CDC42BPA: variants seen among roughly 807,000 people sequenced by gnomAD.
CDC42BPA encodes the protein CDC42 binding protein kinase alpha, also known as serine/threonine-protein kinase MRCK alpha.
Under a neutral mutation model 223.5 loss-of-function variants are expected in CDC42BPA, and 80 were observed. That is an observed-to-expected ratio of 0.36 (90% confidence interval 0.30 to 0.43). The LOEUF (loss-of-function observed/expected upper bound fraction) is 0.43. Ranked by LOEUF, CDC42BPA falls within the 20% of genes least tolerant of loss-of-function variation. CDC42BPA has a pLI of 1.00. For synonymous variants in CDC42BPA, 694 were observed against 718.6 expected (o/e 0.97, Z 0.55); for missense variants, 1,743 against 2,099.9 (o/e 0.83, Z 3.32).
intron 1 of CDC42BPA, among the ~76,000 whole-genome samples, chr1:227,301,672 T>A (rs901677141): frequency 6.6e-6 from 1 of 152,232 alleles, no homozygotes; most frequent in African/African-American, 2.4e-5. Context: ...TTAGACTTTT[T>A]AATTCTGTAA....
intron 2 of CDC42BPA, among the ~76,000 whole-genome samples, chr1:227,253,240 A>AAGAGAGCGAGAGAGAGAGCGAGAG (rs748822660): frequency 6.1e-4 from 88 of 143,190 alleles, no homozygotes; most frequent in African/African-American, 1.2e-3. Context: ...GAGAGAGAGA[A>AAGAGAGCGAGAGAGAGAGCGAGAG]AGAGAGCGAG....
chr1:227,250,339 C>T (rs1285026493), intron 2 of CDC42BPA, among the ~76,000 whole-genome samples: 1 of 151,682 alleles, frequency 6.6e-6, no homozygotes, highest in African/African-American at 2.4e-5. Context: ...AATACAAAAA[C>T]TAGCCAGGCA....
At chr1:227,084,525 C>T (rs1681404182) in intron 16 of CDC42BPA, among the ~76,000 whole-genome samples, 1 of 128,354 alleles carries the variant, frequency 7.8e-6, no homozygotes, top group Admixed American at 8.4e-5. Flanking sequence ...GAGACTTCAT[C>T]TCAAAAAAAA....
chr1:227,114,543 G>A (rs1687474166), intron 12 of CDC42BPA, among the ~76,000 whole-genome samples: 1 of 151,598 alleles, frequency 6.6e-6, no homozygotes, highest in Non-Finnish European at 1.5e-5. Flanking sequence ...GTAAACAAAT[G>A]TGTATATAAG....
At chr1:227,156,842 C>T (rs1191206142) in intron 6 of CDC42BPA, among the ~76,000 whole-genome samples, 1 of 151,846 alleles carries the variant, frequency 6.6e-6, no homozygotes, top group Non-Finnish European at 1.5e-5. Context: ...AGTTATTTTT[C>T]CCTGCAGCTC....
At chr1:227,179,139 T>C (rs1019875308) in intron 5 of CDC42BPA, among the ~76,000 whole-genome samples, 7 of 152,136 alleles carry the variant, frequency 4.6e-5, no homozygotes, top group African/African-American at 1.7e-4. Context: ...TCTACAGAGA[T>C]AGAAGGTAGA....
intron 1 of CDC42BPA, among the ~76,000 whole-genome samples, chr1:227,270,007 GA>G (rs1685701883): frequency 6.6e-6 from 1 of 152,086 alleles, no homozygotes; most frequent in African/African-American, 2.4e-5. Flanking sequence ...ATGTTAGAAT[GA>G]AAAACTGGAA....
intron 6 of CDC42BPA, among the ~76,000 whole-genome samples, chr1:227,153,235 GA>G (rs34205024): frequency 2.0e-5 from 3 of 150,286 alleles, no homozygotes; most frequent in South Asian, 2.1e-4. Flanking sequence ...CCAAAAGTTA[GA>G]AAAAAAAAGT....
intron 32 of CDC42BPA, among the ~76,000 whole-genome samples, chr1:227,022,768 C>T (rs1290013296): frequency 1.3e-5 from 2 of 152,168 alleles, no homozygotes; most frequent in Non-Finnish European, 2.9e-5. Context: ...CACTCTGGGT[C>T]TCTACTCCCT....
At position 227,305,535 on chromosome 1, in the gene CDC42BPA, C is replaced by T. The variant is rs550315916; in HGVS notation, c.178+11470G>A. Among the ~76,000 whole-genome samples the T allele has an allele frequency of 1.8e-4, 28 of 152,342 alleles. No homozygotes were observed. In the South Asian group the frequency reaches 5.8e-3, roughly 32 times the overall value. Reference sequence around the variant, plus strand: ...TTGGTCTTTCAAAGATTACTAGGTCCTCTCATACCTTTAGATGTCATTCTT... The same window carrying T: ...TTGGTCTTTCAAAGATTACTAGGTCTTCTCATACCTTTAGATGTCATTCTT... On this transcript the variant is annotated intron_variant, in intron 1 of 36. Transcript: ENST00000366766.
chr1:227,107,400 A>G lies in CDC42BPA; in HGVS notation c.2001+4912T>C, dbSNP rs529414362. On this transcript the variant is annotated intron_variant, in intron 14 of 36. Transcript: ENST00000366766. ...GATCTTGCAGCCTGGAACTTGGGTG[A>G]ATTTATTTTAAGCTCAAGTCTCAAG... Among the ~76,000 whole-genome samples, 4 of 152,114 alleles carry G rather than the reference A, an allele frequency of 2.6e-5. No individual in the cohort carries two copies. The East Asian group carries it at 7.7e-4, about 29-fold the overall frequency.
chr1:227,282,164 G>A (rs1442501086), intron 1 of CDC42BPA, among the ~76,000 whole-genome samples: 1 of 146,888 alleles, frequency 6.8e-6, no homozygotes, highest in Admixed American at 6.9e-5. Flanking sequence ...CTCCAGCCTG[G>A]GCAACAAAAG....
intron 1 of CDC42BPA, among the ~76,000 whole-genome samples, chr1:227,255,248 T>A (rs1235121145): frequency 6.6e-6 from 1 of 152,180 alleles, no homozygotes; most frequent in Non-Finnish European, 1.5e-5. Context: ...CTGTCTTCTC[T>A]CTTCCTTCCA....
chr1:227,144,489 G>A (rs538026302), intron 8 of CDC42BPA, among the ~76,000 whole-genome samples: 2 of 142,670 alleles, frequency 1.4e-5, no homozygotes, highest in African/African-American at 5.3e-5. Context: ...GCAGGAGAAC[G>A]GCGTGAACCC....
At position 227,276,192 on chromosome 1, in the gene CDC42BPA, T is replaced by C. The variant is rs556949787; in HGVS notation, c.179-22037A>G. Among the ~76,000 whole-genome samples, 23 of 148,092 alleles carry C rather than the reference T, an allele frequency of 1.6e-4. No homozygotes were observed. The East Asian group carries it at 4.6e-3, about 30-fold the overall frequency. The stretch of plus-strand genomic sequence containing the variant: ...GCCCTGCCGCCCATCGTCTGAGATG[T>C]GGGGAGCGCCTCTGCCCCGCCGCCC... On this transcript the variant is annotated intron_variant, in intron 1 of 36. Coordinates refer to ENST00000366766, the MANE Select transcript of CDC42BPA (RefSeq NM_001394014.1).
At position 226,994,889 on chromosome 1, in the gene CDC42BPA, C is replaced by A. The variant is rs1289814252; in HGVS notation, c.5067G>T (p.Glu1689Asp). ...AKRQPMPSPSEGSLSSGGMDQ... is the reference protein window; with the variant it reads ...AKRQPMPSPSDGSLSSGGMDQ... ...CCATGCCTCCAGAGGACAAAGAGCC[C>A]TCTGACGGGGAGGGCATGGGCTGCC... Residue 1689 changes from glutamate (E) to aspartate (D), a missense_variant, in exon 36 of 37, where the codon GAG becomes GAT. Physicochemically the swap from Glu to Asp is conservative, Grantham distance 45. Transcript: ENST00000366766. This position sits in a 1 kb window ranked among gnomAD's most constrained non-coding sequence, Gnocchi z 4.0. The A allele has an allele frequency of 3.1e-6, 5 of 1,613,976 alleles. No homozygotes were observed. Among genetic ancestry groups the A allele is most frequent in the Non-Finnish European group, 4.2e-6 (5 of 1,179,990 alleles).
rs556934499 is a variant in CDC42BPA, at chr1:227,255,516, G to A, written c.179-1361C>T. 1.1e-4 allele frequency among the ~76,000 whole-genome samples: 16 copies of A among 152,260 alleles called. No homozygotes were observed. The East Asian group carries it at 2.5e-3, about 24-fold the overall frequency. On this transcript the variant is annotated intron_variant, in intron 1 of 36. Transcript: ENST00000366766. ...AAAGAGAAAAAAATTAGCTGAACGT[G>A]GTGGCATATGCCTGTAGTCCTTAGC... is the stretch of plus-strand genomic sequence containing the variant.
intron 21 of CDC42BPA, among the ~76,000 whole-genome samples, chr1:227,062,447 T>C (rs1350731729): frequency 6.6e-6 from 1 of 152,210 alleles, no homozygotes; most frequent in Non-Finnish European, 1.5e-5. Context: ...TTTATTACTA[T>C]ATTTCCCACA....
intron 2 of CDC42BPA, among the ~76,000 whole-genome samples, chr1:227,238,038 C>CAAAA (rs35731369): frequency 3.5e-4 from 32 of 91,248 alleles, no homozygotes; most frequent in African/African-American, 7.4e-4. Context: ...AACTCTGTCT[C>CAAAA]AAAAAAAAAA....
Sources: allele counts gnomAD v4.1 joint callset (sites outside exome capture counted in the v4.1 genomes callset), GRCh38; gene constraint gnomAD v4.1.1; non-coding constraint Gnocchi (gnomAD v3.1); transcripts MANE v1.5; gene names NCBI Gene and HGNC (gene_info 2026-07-23, HGNC 2026-07-21).